Variants in CACNA2D4 observed in about 807,000 individuals in gnomAD.
CACNA2D4 encodes calcium voltage-gated channel auxiliary subunit alpha2delta 4, also known as voltage-dependent calcium channel subunit alpha-2/delta-4.
A neutral mutation model predicts 163.8 loss-of-function variants in CACNA2D4; 157 were observed. That is an observed-to-expected ratio of 0.96 (90% CI 0.84 to 1.09). The LOEUF (loss-of-function observed/expected upper bound fraction) is 1.09. Among genes scored for constraint, CACNA2D4 ranks in the 50% least tolerant of loss-of-function variants. The probability of loss-of-function intolerance (pLI) is 0.00; values close to 1 mark genes in which losing one functional copy is unlikely to be tolerated. For missense variants in CACNA2D4, 1,410 were observed against 1,479.9 expected, an observed-to-expected ratio of 0.95 and a Z score of 0.78; for synonymous variants, 598 against 586.9, an observed-to-expected ratio of 1.02 and a Z score of -0.27.
At position 1,799,908 on chromosome 12, in the gene CACNA2D4, A is replaced by G; in HGVS notation, c.2974+92T>C. On this transcript the variant is annotated intron_variant, in intron 33 of 37. Coordinates refer to ENST00000382722, the MANE Select transcript of CACNA2D4 (RefSeq NM_172364.5). The surrounding 1 kb of genome is among the most constrained non-coding windows in gnomAD (Gnocchi z 4.7). Reference sequence around the variant, plus strand: ...CGATGCTTCAGGGTCACCTATCCCCACTGTCACCCACCCCACAGGGAATGG... The same window carrying G: ...CGATGCTTCAGGGTCACCTATCCCCGCTGTCACCCACCCCACAGGGAATGG... 1.4e-6 allele frequency: 2 copies of G among 1,407,708 alleles called. No individual in the cohort carries two copies. Among genetic ancestry groups the G allele is most frequent in the Non-Finnish European group, 2.0e-6 (2 of 1,020,660 alleles). The allele number at this position is 1,407,708 out of a possible 1,614,324, so 87.2% of individuals were successfully genotyped here.
chr12:1,793,188 T>C lies in CACNA2D4; in HGVS notation c.*467A>G, dbSNP rs73041886. 0.093 allele frequency: 14,985 copies of C among 160,312 alleles called. 950 individuals carry two copies. The highest frequency in any genetic ancestry group is 0.17 in the Middle Eastern group (55 of 328). 9.9% of individuals were successfully genotyped at this position (160,312 alleles called of 1,614,324 possible). A position where few individuals can be genotyped will look rare whatever the true frequency, so the allele number is the denominator to read the frequency against. On this transcript the variant is annotated 3_prime_UTR_variant, in exon 38 of 38. Transcript: ENST00000382722. ...GTTGGGGCATATTCTTGCCTTAGCCTCATCTCTGCATTTGGCCTCATTCTG... is the reference window on the plus strand; with the variant it reads ...GTTGGGGCATATTCTTGCCTTAGCCCCATCTCTGCATTTGGCCTCATTCTG...
Position 1,862,181 on chromosome 12 carries a change from A to G in CACNA2D4, c.1879-1975T>C, listed in dbSNP as rs112760632. 2.8e-3 allele frequency among the ~76,000 whole-genome samples: 430 copies of G among 152,328 alleles called. 4 individuals carry two copies. The highest frequency in any genetic ancestry group is 9.9e-3 in the African/African-American group (413 of 41,570). On this transcript the variant is annotated intron_variant, in intron 18 of 37. Transcript: ENST00000382722. ...TCCTCCTTTGGGGCTATAGTGAATAAAGCTACCATAAATATCCTGGGACAT... is the reference window on the plus strand; with the variant it reads ...TCCTCCTTTGGGGCTATAGTGAATAGAGCTACCATAAATATCCTGGGACAT...
intron 4 of CACNA2D4, among the ~76,000 whole-genome samples, chr12:1,909,582 C>G (rs943616567): frequency 6.6e-6 from 1 of 152,236 alleles, no homozygotes; most frequent in Non-Finnish European, 1.5e-5. Flanking sequence ...GAGCCCTGGG[C>G]GCAGCCCCAG....
chr12:1,796,299 C>T (rs964213567), intron 35 of CACNA2D4, among the ~76,000 whole-genome samples: 1 of 152,232 alleles, frequency 6.6e-6, no homozygotes, highest in African/African-American at 2.4e-5. Flanking sequence ...TCCCAGCGGC[C>T]GCCTACCGAG....
At chr12:1,873,857 T>C (rs1324562040) in intron 18 of CACNA2D4, among the ~76,000 whole-genome samples, 2 of 152,234 alleles carry the variant, frequency 1.3e-5, no homozygotes, top group Non-Finnish European at 2.9e-5. Context: ...CTAAAAGGGA[T>C]GCTTCCTTGT....
chr12:1,905,552 C>T (rs1037756209), intron 6 of CACNA2D4, among the ~76,000 whole-genome samples: 1 of 152,022 alleles, frequency 6.6e-6, no homozygotes, highest in Non-Finnish European at 1.5e-5. Context: ...CATTTCTATA[C>T]ATTAACAGTG....
At position 1,909,888 on chromosome 12, in the gene CACNA2D4, G is replaced by C. The variant is rs566766371; in HGVS notation, c.486+18C>G. Reference sequence around the variant, plus strand: ...GCGATCCTGGCCCTCTGGCACCAGTGCCAGGAGTGGGACTCACCACCAGGG... The same window carrying C: ...GCGATCCTGGCCCTCTGGCACCAGTCCCAGGAGTGGGACTCACCACCAGGG... On this transcript the variant is annotated intron_variant, in intron 4 of 37. Coordinates refer to ENST00000382722, the MANE Select transcript of CACNA2D4 (RefSeq NM_172364.5). The C allele has an allele frequency of 6.2e-7, 1 of 1,612,308 alleles. No homozygotes were observed. The highest frequency in any genetic ancestry group is 1.1e-5 in the South Asian group (1 of 90,898).
intron 26 of CACNA2D4, among the ~76,000 whole-genome samples, chr12:1,830,506 A>T (rs1047412240): frequency 6.6e-6 from 1 of 152,218 alleles, no homozygotes; most frequent in Non-Finnish European, 1.5e-5. Context: ...GGGAGAGGGC[A>T]TGGGAGCAGG....
At chr12:1,838,039 C>T (rs1401612228) in intron 26 of CACNA2D4, among the ~76,000 whole-genome samples, 1 of 152,184 alleles carries the variant, frequency 6.6e-6, no homozygotes, top group Non-Finnish European at 1.5e-5. Context: ...GTCTGCTGGA[C>T]AATCACTTGC....
Position 1,799,642 on chromosome 12 carries a change from G to A in CACNA2D4, c.2995+33C>T, listed in dbSNP as rs115192664. The A allele has an allele frequency of 1.3e-3, 2,103 of 1,560,072 alleles. 19 individuals carry two copies. In the African/African-American group the frequency reaches 0.025, roughly 19 times the overall value. ...GCTCCTGCTGCGTCCCCAACCCACC[G>A]CCAGCAGGGATGGCCTCAGCTGGGC... is the stretch of plus-strand genomic sequence containing the variant. On this transcript the variant is annotated intron_variant, in intron 34 of 37. Transcript: ENST00000382722. This position sits in a 1 kb window ranked among gnomAD's most constrained non-coding sequence, Gnocchi z 4.7.
chr12:1,800,844 G>A lies in CACNA2D4; in HGVS notation c.2868+199C>T, dbSNP rs925890274. ...CAACTACCAGAGCAGTCCCTCTGAA[G>A]CCCCAAAGCCAGACCCAGAGGCCTG... is the stretch of plus-strand genomic sequence containing the variant. On this transcript the variant is annotated intron_variant, in intron 31 of 37. Transcript: ENST00000382722. 41 of 604,848 alleles carry A rather than the reference G, an allele frequency of 6.8e-5. 1 individual carries two copies. Among genetic ancestry groups the A allele is most frequent in the South Asian group, 6.6e-4 (33 of 50,116 alleles). The allele number at this position is 604,848 out of a possible 1,614,324, so 37.5% of individuals were successfully genotyped here.
At chr12:1,871,207 T>C (rs1304069361) in intron 18 of CACNA2D4, among the ~76,000 whole-genome samples, 1 of 150,910 alleles carries the variant, frequency 6.6e-6, no homozygotes, top group African/African-American at 2.4e-5. Flanking sequence ...TGTGTACATG[T>C]GTGTGCTTCT....
rs1389426984 is a variant in CACNA2D4 at position 1,802,439 on chromosome 12, T to A, written c.2722-795A>T. ...TTTTGTTGTCCATCAGCCAGCACTT[T>A]GTGGCTTCTGTGCCCTGTGCCAAGC... On this transcript the variant is annotated intron_variant, in intron 29 of 37. Coordinates refer to ENST00000382722, the MANE Select transcript of CACNA2D4 (RefSeq NM_172364.5). The surrounding 1 kb of genome is among the most constrained non-coding windows in gnomAD (Gnocchi z 4.7). Among the ~76,000 whole-genome samples the A allele has an allele frequency of 6.6e-6, 1 of 152,184 alleles. No individual in the cohort carries two copies. The highest frequency in any genetic ancestry group is 1.5e-5 in the Non-Finnish European group (1 of 68,042).
chr12:1,796,580 C>T (rs1476754012), intron 35 of CACNA2D4, among the ~76,000 whole-genome samples: 1 of 152,242 alleles, frequency 6.6e-6, no homozygotes, highest in Non-Finnish European at 1.5e-5. Context: ...GACAAGTGCA[C>T]AGGGAACGCT....
rs973580080 is a variant in CACNA2D4, at chr12:1,917,286, G to A, written c.227+961C>T. Among the ~76,000 whole-genome samples the A allele has an allele frequency of 3.9e-5, 6 of 152,306 alleles. No homozygotes were observed. The East Asian group carries it at 7.7e-4, about 20-fold the overall frequency. On this transcript the variant is annotated intron_variant, in intron 1 of 37. Coordinates refer to ENST00000382722, the MANE Select transcript of CACNA2D4 (RefSeq NM_172364.5). This position sits in a 1 kb window ranked among gnomAD's most constrained non-coding sequence, Gnocchi z 4.3. Reference sequence around the variant, plus strand: ...TGTCATTTGTGAAGCGCCCAGCTCCGTGCCAGGCAGGGAACAAGGAGAGCT... The same window carrying A: ...TGTCATTTGTGAAGCGCCCAGCTCCATGCCAGGCAGGGAACAAGGAGAGCT...
intron 18 of CACNA2D4, among the ~76,000 whole-genome samples, chr12:1,861,738 C>T (rs770484268): frequency 1.3e-5 from 2 of 152,110 alleles, no homozygotes; most frequent in South Asian, 2.1e-4. Flanking sequence ...CCACCATGCT[C>T]GGCCTATCTT....
At chr12:1,908,220 A>G (rs369311595) in intron 4 of CACNA2D4, among the ~76,000 whole-genome samples, 183 bp from the exon 5 acceptor site, 2 of 152,238 alleles carry the variant, frequency 1.3e-5, no homozygotes, top group Non-Finnish European at 2.9e-5. Flanking sequence ...AAAAATATCC[A>G]GGAGGCCGGC....
intron 18 of CACNA2D4, among the ~76,000 whole-genome samples, chr12:1,861,375 T>C (rs145026501): frequency 6.6e-6 from 1 of 152,152 alleles, no homozygotes; most frequent in East Asian, 1.9e-4. Context: ...CTTGGGGGAG[T>C]TGGGTGCCCT....
chr12:1,807,740 G>A (rs568725343), intron 29 of CACNA2D4, among the ~76,000 whole-genome samples: 4 of 152,100 alleles, frequency 2.6e-5, no homozygotes, highest in East Asian at 2.0e-4. Flanking sequence ...CCCATAACCC[G>A]ACACAGTTCA....
Sources: allele counts gnomAD v4.1 joint callset (sites outside exome capture counted in the v4.1 genomes callset), GRCh38; gene constraint gnomAD v4.1.1; non-coding constraint Gnocchi (gnomAD v3.1); transcripts MANE v1.5; gene names NCBI Gene and HGNC (gene_info 2026-07-23, HGNC 2026-07-21).